The following SOX5 variants were observed in gnomAD, a reference collection of about 807,000 sequenced individuals.
SOX5 encodes transcription factor SOX-5.
A neutral mutation model predicts 92.0 loss-of-function variants in SOX5; 9 were observed. That is an observed-to-expected ratio of 0.10 (90% CI 0.06 to 0.17). The LOEUF is 0.17. Ranked by LOEUF, SOX5 falls within the 10% of genes least tolerant of loss-of-function variation. The pLI, the probability that SOX5 is intolerant of heterozygous loss-of-function variation, is 1.00. For synonymous variants in SOX5, 344 were observed against 336.3 expected, an observed-to-expected ratio of 1.02 and a Z score of -0.25; for missense variants, 642 against 944.5, an observed-to-expected ratio of 0.68 and a Z score of 4.20.
intron 4 of SOX5, among the ~76,000 whole-genome samples, chr12:24,185,888 A>G (rs1955967971): frequency 1.3e-5 from 2 of 152,200 alleles, no homozygotes. Flanking sequence ...GAATGAATGA[A>G]TGCTGAAGCT....
intron 4 of SOX5, among the ~76,000 whole-genome samples, chr12:24,076,683 A>G (rs1942649384): frequency 6.7e-6 from 1 of 150,128 alleles, no homozygotes; most frequent in African/African-American, 2.4e-5. Context: ...AAATACTAAA[A>G]AAGATCCAAA....
intron 3 of SOX5, among the ~76,000 whole-genome samples, chr12:24,270,410 G>T (rs1943578887): frequency 6.6e-6 from 1 of 152,120 alleles, no homozygotes; most frequent in Admixed American, 6.5e-5. Context: ...TAATTTTGAA[G>T]ATGTCTCCAT....
rs549207577 is a variant in SOX5, at chr12:24,208,017, A to G, written c.-2+5326T>C. 3.9e-5 allele frequency among the ~76,000 whole-genome samples: 6 copies of G among 152,286 alleles called. No individual in the cohort carries two copies. The South Asian group carries it at 1.0e-3, about 26-fold the overall frequency. On this transcript the variant is annotated intron_variant, in intron 4 of 4. Transcript: ENST00000446891. ...CAAACTGCTTTTTGTGATTTCCTAT[A>G]TCTGTGAATTGCAAGGCCTTTATTT...
At chr12:24,460,942 G>A (rs1943554712) in intron 1 of SOX5, among the ~76,000 whole-genome samples, 1 of 152,224 alleles carries the variant, frequency 6.6e-6, no homozygotes, top group South Asian at 2.1e-4. Flanking sequence ...CTTAGAATTG[G>A]TTTGCTCTTG....
intron 4 of SOX5, among the ~76,000 whole-genome samples, chr12:24,048,596 G>A (rs1157368520): frequency 1.3e-5 from 2 of 152,074 alleles, no homozygotes; most frequent in East Asian, 3.9e-4. Context: ...TCCAAAAGGT[G>A]GAAGCAACCC....
At chr12:24,185,501 C>T (rs1955925122) in intron 4 of SOX5, among the ~76,000 whole-genome samples, 2 of 152,176 alleles carry the variant, frequency 1.3e-5, no homozygotes, top group Admixed American at 1.3e-4. Flanking sequence ...TTCTCCCCCA[C>T]TAGCCTGAAC....
At chr12:24,557,126 C>T (rs993995791) in intron 1 of SOX5, among the ~76,000 whole-genome samples, 2 of 152,100 alleles carry the variant, frequency 1.3e-5, no homozygotes, top group Non-Finnish European at 2.9e-5. Context: ...CACGGTGGCT[C>T]ACGCTTGTAA....
rs530668008 is a variant in SOX5, at chr12:23,904,079, A to T, written c.39-8055T>A. On this transcript the variant is annotated intron_variant, in intron 1 of 14. Coordinates refer to ENST00000451604, the MANE Select transcript of SOX5 (RefSeq NM_006940.6). The stretch of plus-strand genomic sequence containing the variant: ...AGTTCATGCTTTCCTTTTCTCTCTT[A>T]CATGTTTTGAACATCTTTATTTTTC... 2.6e-5 allele frequency among the ~76,000 whole-genome samples: 4 copies of T among 152,216 alleles called. No homozygotes were observed. In the East Asian group the frequency reaches 7.7e-4, roughly 29 times the overall value.
chr12:23,581,673 A>G (rs1950058325), intron 9 of SOX5, among the ~76,000 whole-genome samples: 1 of 152,094 alleles, frequency 6.6e-6, no homozygotes, highest in Non-Finnish European at 1.5e-5. Context: ...AACATAAACC[A>G]AAGGACATTT....
chr12:24,327,657 C>T (rs886888164), intron 2 of SOX5, among the ~76,000 whole-genome samples: 7 of 151,896 alleles, frequency 4.6e-5, no homozygotes, highest in African/African-American at 1.7e-4. Flanking sequence ...ATTCTCCGCT[C>T]ACTGCAAACT....
At position 24,335,974 on chromosome 12, in the gene SOX5, T is replaced by TTC. The variant is rs1463870933; in HGVS notation, c.-174+32588_-174+32589insGA. 1.3e-4 allele frequency among the ~76,000 whole-genome samples: 18 copies of TTC among 138,028 alleles called. 1 individual carries two copies. In the East Asian group the frequency reaches 3.4e-3, roughly 26 times the overall value. The allele number at this position is 138,028 out of a possible 152,430, so 90.6% of individuals were successfully genotyped here. ...TGGGTCCAGGCTAGAAATGCTATCA[T>TTC]ATATATATATATATCCATAATATTA... On this transcript the variant is annotated intron_variant, in intron 2 of 4. Transcript: ENST00000446891.
At chr12:23,765,859 C>G (rs1476709084) in intron 3 of SOX5, among the ~76,000 whole-genome samples, 1 of 152,074 alleles carries the variant, frequency 6.6e-6, no homozygotes, top group Non-Finnish European at 1.5e-5. Context: ...ATTTATCTAA[C>G]AGTCATTGGG....
At chr12:24,339,777 G>A (rs1454896842) in intron 2 of SOX5, among the ~76,000 whole-genome samples, 2 of 152,224 alleles carry the variant, frequency 1.3e-5, no homozygotes, top group South Asian at 2.1e-4. Context: ...AGGTTCTGGC[G>A]TGTGCCACAA....
intron 6 of SOX5, among the ~76,000 whole-genome samples, chr12:23,718,177 T>C (rs1236347061): frequency 6.6e-6 from 1 of 152,168 alleles, no homozygotes; most frequent in Admixed American, 6.6e-5. Context: ...CATCAAAGTT[T>C]AGTATATTAG....
chr12:24,030,434 A>G (rs1341806175), intron 4 of SOX5, among the ~76,000 whole-genome samples: 5 of 151,962 alleles, frequency 3.3e-5, no homozygotes, highest in Admixed American at 6.6e-5. Flanking sequence ...CCAAAAATAT[A>G]TAATGAGGAA....
intron 1 of SOX5, among the ~76,000 whole-genome samples, chr12:24,553,224 T>C (rs1368717017): frequency 1.3e-5 from 2 of 152,132 alleles, no homozygotes; most frequent in Non-Finnish European, 2.9e-5. Flanking sequence ...CAGAATCAAA[T>C]AGACTGAAAT....
At chr12:24,268,125 T>A (rs188437734) in intron 3 of SOX5, among the ~76,000 whole-genome samples, 1 of 152,322 alleles carries the variant, frequency 6.6e-6, no homozygotes, top group Non-Finnish European at 1.5e-5. Context: ...GTTTTGAAAT[T>A]AACTCCATAA....
At chr12:24,061,750 A>AG (rs1210735444) in intron 4 of SOX5, among the ~76,000 whole-genome samples, 1 of 116,590 alleles carries the variant, frequency 8.6e-6, no homozygotes, top group Non-Finnish European at 1.9e-5. Flanking sequence ...GACAGAAAAA[A>AG]AAAAAAAAAA....
At chr12:23,692,468 C>T (rs1222924986) in intron 6 of SOX5, among the ~76,000 whole-genome samples, 2 of 151,102 alleles carry the variant, frequency 1.3e-5, no homozygotes, top group Admixed American at 1.3e-4. Context: ...TTATATTTTC[C>T]AAATATATTT....
Sources: gnomAD v4.1 joint callset for allele counts (sites outside exome capture counted in the v4.1 genomes callset) on GRCh38, gnomAD v4.1.1 for gene constraint, MANE v1.5 for transcripts, NCBI Gene and HGNC (gene_info 2026-07-23, HGNC 2026-07-21) for gene names.